Variants in MID1 observed in about 807,000 individuals in gnomAD.
MID1 encodes the protein E3 ubiquitin-protein ligase Midline-1.
In MID1, 7 loss-of-function variants were observed where a neutral mutation model predicts 40.4. The ratio of observed to expected loss-of-function variants is 0.17; its 90% CI spans 0.10 to 0.33. MID1 has a LOEUF of 0.33. Ranked by LOEUF, MID1 falls within the 10% of genes least tolerant of loss-of-function variation. The probability of loss-of-function intolerance (pLI) is 1.00; values close to 1 mark genes in which losing one functional copy is unlikely to be tolerated. For missense variants in MID1, 367 were observed against 558.5 expected (o/e 0.66, Z 3.46); for synonymous variants, 229 against 221.2 (o/e 1.04, Z -0.31).
intron 1 of MID1, among the ~76,000 whole-genome samples, chrX:10,635,833 T>C (rs1471904238): frequency 8.9e-6 from 1 of 112,222 alleles, no homozygotes. Context: ...ACACTTATTT[T>C]TGACAGGCTG....
In MID1 at chrX:10,801,020, T is replaced by C. The variant is rs2044003092; in HGVS notation, c.-187+32534A>G. Among the ~76,000 whole-genome samples the C allele has an allele frequency of 2.7e-5, 3 of 110,898 alleles. No homozygotes were observed. The Admixed American group carries it at 2.9e-4, about 11-fold the overall frequency. ...AGCTCTATTTGACTCAGCTACATCA[T>C]CAGGAATAGTTCTTTGAGTTAGAAA... is the stretch of plus-strand genomic sequence containing the variant. On this transcript the variant is annotated intron_variant, in intron 1 of 10. Coordinates refer to the MID1 transcript ENST00000380785.
chrX:10,724,155 C>G (rs1303228003), intron 1 of MID1, among the ~76,000 whole-genome samples: 1 of 111,343 alleles, frequency 9.0e-6, no homozygotes, highest in African/African-American at 3.3e-5. Context: ...CTCAACCTAC[C>G]GGGTTCAAGC....
Position 10,781,289 on chromosome X carries a change from G to T in MID1, c.-187+52265C>A, listed in dbSNP as rs1399217670. 2.7e-5 allele frequency among the ~76,000 whole-genome samples: 3 copies of T among 111,410 alleles called. No individual in the cohort carries two copies. The East Asian group carries it at 8.4e-4, about 31-fold the overall frequency. ...ATATGAAATAAAATCTCCTTTCCTA[G>T]CTTCATGGGAATTTGCCTCAAACAC... On this transcript the variant is annotated intron_variant, in intron 1 of 10. Transcript: ENST00000380785.
At chrX:10,729,945 G>A (rs570856565) in intron 1 of MID1, among the ~76,000 whole-genome samples, 4 of 109,540 alleles carry the variant, frequency 3.7e-5, no homozygotes, top group Non-Finnish European at 5.7e-5. Context: ...TTAGCCGGGC[G>A]TGGTGGCGGG....
At chrX:10,603,226 A>G (rs748043285) in intron 1 of MID1, among the ~76,000 whole-genome samples, 19 of 111,621 alleles carry the variant, frequency 1.7e-4, no homozygotes, top group Non-Finnish European at 3.6e-4. Flanking sequence ...GCACATGACA[A>G]TAAGATATTG....
chrX:10,524,281 TCATTCA>T (rs1316045629), intron 2 of MID1, among the ~76,000 whole-genome samples: 1 of 111,900 alleles, frequency 8.9e-6, no homozygotes, highest in African/African-American at 3.3e-5. Context: ...CTGTTCCTTC[TCATTCA>T]CATGCTCTTG....
At chrX:10,584,589 G>A (rs1486007916) in intron 1 of MID1, among the ~76,000 whole-genome samples, 3 of 112,456 alleles carry the variant, frequency 2.7e-5, no homozygotes, top group Non-Finnish European at 5.6e-5. Context: ...CCAAAGATGA[G>A]TTAAGACTAG....
intron 4 of MID1, among the ~76,000 whole-genome samples, chrX:10,483,609 A>T (rs185580638): frequency 1.6e-4 from 18 of 112,307 alleles, no homozygotes; most frequent in Non-Finnish European, 3.2e-4. Flanking sequence ...AACCGGCTTT[A>T]TGATAATTCT....
At chrX:10,620,104 A>G (rs184251703) in intron 1 of MID1, among the ~76,000 whole-genome samples, 186 bp downstream of exon 1, 269 of 112,311 alleles carry the variant, frequency 2.4e-3, no homozygotes, top group African/African-American at 7.3e-3. Context: ...CGAGGACCAG[A>G]CCGGGGTGGC....
chrX:10,771,072 C>T (rs2043764260), intron 1 of MID1, among the ~76,000 whole-genome samples: 1 of 105,928 alleles, frequency 9.4e-6, no homozygotes, highest in Admixed American at 1.0e-4. Context: ...AGCCACTGCA[C>T]TCCAGCTGGG....
chrX:10,548,949 T>A (rs1450272729), intron 2 of MID1, among the ~76,000 whole-genome samples: 1 of 112,295 alleles, frequency 8.9e-6, no homozygotes, highest in African/African-American at 3.2e-5. Context: ...TTCAACTGAT[T>A]CCTTTACTGG....
intron 4 of MID1, among the ~76,000 whole-genome samples, chrX:10,485,862 A>G (rs1001083506): frequency 9.0e-6 from 1 of 111,386 alleles, no homozygotes; most frequent in Non-Finnish European, 1.9e-5. Context: ...GTCCAAGTTA[A>G]TTTTCTTAAA....
chrX:10,731,514 TG>T (rs776799337), intron 1 of MID1, among the ~76,000 whole-genome samples: 58 of 111,929 alleles, frequency 5.2e-4, no homozygotes, highest in African/African-American at 1.7e-3. Flanking sequence ...TACTTTGAAC[TG>T]AATGAAAAAG....
intron 1 of MID1, among the ~76,000 whole-genome samples, chrX:10,665,583 A>G (rs1470660813): frequency 9.8e-6 from 1 of 102,364 alleles, no homozygotes; most frequent in East Asian, 3.1e-4. Flanking sequence ...GCTGGAGTGT[A>G]GTGGTGCAAT....
intron 1 of MID1, among the ~76,000 whole-genome samples, chrX:10,829,639 G>A (rs766837173): frequency 2.7e-5 from 3 of 111,632 alleles, no homozygotes; most frequent in South Asian, 3.8e-4. Flanking sequence ...ATTTAAAAAC[G>A]GAAATGTACT....
chrX:10,609,715 C>CTTTTTTTTTTTTTTTT (rs138559299), intron 1 of MID1, among the ~76,000 whole-genome samples: 17 of 86,385 alleles, frequency 2.0e-4, no homozygotes, highest in Non-Finnish European at 2.7e-4. Flanking sequence ...TTCTTTCTTT[C>CTTTTTTTTTTTTTTTT]TTTTTTTTTT....
chrX:10,531,058 G>A (rs1932952997), intron 2 of MID1, among the ~76,000 whole-genome samples: 1 of 111,648 alleles, frequency 9.0e-6, no homozygotes, highest in East Asian at 2.8e-4. Flanking sequence ...GATCTGGCTT[G>A]TTTCATTCCA....
intron 4 of MID1, among the ~76,000 whole-genome samples, chrX:10,490,895 T>A (rs1930909178): frequency 8.9e-6 from 1 of 112,140 alleles, no homozygotes; most frequent in Non-Finnish European, 1.9e-5. Context: ...TTATTCAGGT[T>A]TTCCGCTACT....
rs991936890 is a variant in MID1, at chrX:10,776,312, C to G, written c.-187+57242G>C. 6.3e-5 allele frequency among the ~76,000 whole-genome samples: 7 copies of G among 111,977 alleles called. No individual in the cohort carries two copies. In the East Asian group the frequency reaches 2.0e-3, roughly 31 times the overall value. ...GAGCAAGTTAGTTACAGAATCCAGA[C>G]AGAGTGTAGAAGGCTTGATGCCTAT... On this transcript the variant is annotated intron_variant, in intron 1 of 10. Transcript: ENST00000380785.
Sources: allele counts gnomAD v4.1 joint callset (sites outside exome capture counted in the v4.1 genomes callset), GRCh38; gene constraint gnomAD v4.1.1; transcripts MANE v1.5; gene names NCBI Gene and HGNC (gene_info 2026-07-23, HGNC 2026-07-21).